Variants in HS3ST5 observed in about 807,000 individuals in gnomAD.
The protein encoded by HS3ST5 is heparan sulfate glucosamine 3-O-sulfotransferase 5.
In HS3ST5, 10 loss-of-function variants were observed where a neutral mutation model predicts 25.4. The observed-to-expected ratio is 0.39, with a 90% CI of 0.24 to 0.67. The LOEUF (loss-of-function observed/expected upper bound fraction) is 0.67. Among genes scored for constraint, HS3ST5 ranks in the 30% least tolerant of loss-of-function variants. The pLI is 0.44. For synonymous variants in HS3ST5, 170 were observed against 162.4 expected (o/e 1.05, Z -0.36); for missense variants, 324 against 420.7 (o/e 0.77, Z 2.01).
At chr6:114,227,113 C>T (rs886387874) in intron 2 of HS3ST5, among the ~76,000 whole-genome samples, 4 of 151,520 alleles carry the variant, frequency 2.6e-5, no homozygotes, top group Admixed American at 2.6e-4. Flanking sequence ...ATAGTTAATC[C>T]AATACTGCAA....
At chr6:114,338,659 CTT>C (rs1776706476) in intron 1 of HS3ST5, among the ~76,000 whole-genome samples, 1 of 152,000 alleles carries the variant, frequency 6.6e-6, no homozygotes, top group Non-Finnish European at 1.5e-5. Flanking sequence ...AGATTGGTGA[CTT>C]TTAAATGAAG....
chr6:114,227,906 C>T (rs1771380488), intron 2 of HS3ST5, among the ~76,000 whole-genome samples: 1 of 152,040 alleles, frequency 6.6e-6, no homozygotes, highest in African/African-American at 2.4e-5. Context: ...GAGATAGTGA[C>T]ACCTGGGAAT....
intron 3 of HS3ST5, among the ~76,000 whole-genome samples, chr6:114,069,787 T>G (rs546961457): frequency 1.8e-4 from 27 of 152,076 alleles, no homozygotes; most frequent in Admixed American, 4.6e-4. Flanking sequence ...CTCCCAAAGT[T>G]CTAGGATTAC....
chr6:114,113,624 A>T (rs1266014231), intron 3 of HS3ST5, among the ~76,000 whole-genome samples: 1 of 151,920 alleles, frequency 6.6e-6, no homozygotes, highest in Non-Finnish European at 1.5e-5. Flanking sequence ...TGATCTATTA[A>T]ATTACTCATA....
At chr6:114,265,349 G>C (rs985827613) in intron 1 of HS3ST5, among the ~76,000 whole-genome samples, 6 of 152,176 alleles carry the variant, frequency 3.9e-5, no homozygotes, top group Non-Finnish European at 5.9e-5. Flanking sequence ...AGAAAGCTGG[G>C]GGAGGTAATG....
intron 1 of HS3ST5, among the ~76,000 whole-genome samples, chr6:114,278,534 C>T (rs1773967141): frequency 6.7e-6 from 1 of 148,626 alleles, no homozygotes; most frequent in South Asian, 2.1e-4. Context: ...AATACTGATA[C>T]TTCAGTATTC....
chr6:114,153,666 G>A (rs571903938), intron 3 of HS3ST5, among the ~76,000 whole-genome samples: 1 of 152,306 alleles, frequency 6.6e-6, no homozygotes, highest in Admixed American at 6.5e-5. Context: ...TAGGAGGCCA[G>A]TAAAAAACGT....
In HS3ST5 at chr6:114,249,226, G is replaced by A. The variant is rs1221815459; in HGVS notation, c.-338-20448C>T. Reference sequence around the variant, plus strand: ...CCTGTCCATGTTTCTTTTATTAATAGAGATTCAGCACATATGCACTAATTA... The same window carrying A: ...CCTGTCCATGTTTCTTTTATTAATAAAGATTCAGCACATATGCACTAATTA... On this transcript the variant is annotated intron_variant, in intron 1 of 4. Coordinates refer to ENST00000312719, the MANE Select transcript of HS3ST5 (RefSeq NM_153612.4). Among the ~76,000 whole-genome samples, 11 of 152,226 alleles carry A rather than the reference G, an allele frequency of 7.2e-5. No homozygotes were observed. The South Asian group carries it at 2.3e-3, about 32-fold the overall frequency.
chr6:114,237,371 G>T (rs1771907504), intron 1 of HS3ST5, among the ~76,000 whole-genome samples: 1 of 151,738 alleles, frequency 6.6e-6, no homozygotes, highest in Admixed American at 6.6e-5. Flanking sequence ...CTGGGGCTAG[G>T]TGATGTGGCT....
At chr6:114,287,708 T>C (rs1774398875) in intron 1 of HS3ST5, among the ~76,000 whole-genome samples, 1 of 152,022 alleles carries the variant, frequency 6.6e-6, no homozygotes, top group Admixed American at 6.6e-5. Flanking sequence ...TTCTGACATG[T>C]ATTCAAATCA....
At chr6:114,190,980 C>T (rs991503324) in intron 2 of HS3ST5, among the ~76,000 whole-genome samples, 2 of 152,178 alleles carry the variant, frequency 1.3e-5, no homozygotes, top group Non-Finnish European at 2.9e-5. Flanking sequence ...CACTTTATTG[C>T]AGCCCTTTGA....
chr6:114,284,833 A>C (rs1212554786), intron 1 of HS3ST5, among the ~76,000 whole-genome samples: 2 of 151,922 alleles, frequency 1.3e-5, no homozygotes, highest in Admixed American at 6.6e-5. Context: ...AACAGTACTA[A>C]ATCTGAGAAG....
chr6:114,243,101 A>T (rs1562250164), intron 1 of HS3ST5, among the ~76,000 whole-genome samples: 2 of 152,192 alleles, frequency 1.3e-5, no homozygotes, highest in Non-Finnish European at 1.5e-5. Context: ...GCCCCAGTGG[A>T]GTCCAGCCTA....
chr6:114,333,800 A>C (rs1776501000), intron 1 of HS3ST5, among the ~76,000 whole-genome samples: 1 of 152,148 alleles, frequency 6.6e-6, no homozygotes, highest in South Asian at 2.1e-4. Flanking sequence ...ACATCTATCA[A>C]GACAATGGGA....
At chr6:114,322,412 T>C (rs1194269864) in intron 1 of HS3ST5, among the ~76,000 whole-genome samples, 1 of 152,126 alleles carries the variant, frequency 6.6e-6, no homozygotes, top group Admixed American at 6.6e-5. Flanking sequence ...TGCTTTTTCC[T>C]TGTACTGTGT....
chr6:114,319,078 T>C (rs933008365), intron 1 of HS3ST5, among the ~76,000 whole-genome samples: 4 of 152,168 alleles, frequency 2.6e-5, no homozygotes, highest in Non-Finnish European at 4.4e-5. Context: ...TATCTAGATA[T>C]ATAAATTAAA....
At chr6:114,334,839 T>G (rs987062639) in intron 1 of HS3ST5, among the ~76,000 whole-genome samples, 1 of 152,222 alleles carries the variant, frequency 6.6e-6, no homozygotes, top group Non-Finnish European at 1.5e-5. Flanking sequence ...GCAGACTTAT[T>G]TAAGTCTATT....
rs1772783030 is a variant in HS3ST5 at position 114,056,600 on chromosome 6, T to C, written c.*657A>G. 6.6e-6 allele frequency: 1 copy of C among 152,244 alleles called. No homozygotes were observed. Among genetic ancestry groups the C allele is most frequent in the African/African-American group, 2.4e-5 (1 of 41,460 alleles). The allele number at this position is 152,244 out of a possible 1,614,324, so 9.4% of individuals were successfully genotyped here. A position where few individuals can be genotyped will look rare whatever the true frequency, so the allele number is the denominator to read the frequency against. ...TTTACAACAATATACATTATGTACA[T>C]GACATTTCTCTCTGTTGACATACAA... On this transcript the variant is annotated 3_prime_UTR_variant, in exon 5 of 5. Transcript: ENST00000312719.
intron 3 of HS3ST5, among the ~76,000 whole-genome samples, chr6:114,121,510 CA>C (rs1262314552): frequency 2.6e-5 from 4 of 152,100 alleles, no homozygotes; most frequent in Non-Finnish European, 4.4e-5. Context: ...AATTACCTAA[CA>C]AAAAAATTGG....
Sources: gnomAD v4.1 joint callset for allele counts (sites outside exome capture counted in the v4.1 genomes callset) on GRCh38, gnomAD v4.1.1 for gene constraint, MANE v1.5 for transcripts, NCBI Gene and HGNC (gene_info 2026-07-23, HGNC 2026-07-21) for gene names.